Variants in TMEM131L observed in about 807,000 individuals in gnomAD.
TMEM131L encodes the protein transmembrane protein 131-like.
TMEM131L carries 54 observed loss-of-function variants against 192.2 expected under a neutral mutation model. That is an observed-to-expected ratio of 0.28 (90% confidence interval 0.23 to 0.35). The LOEUF is 0.35. TMEM131L is among the 10% of genes least tolerant of loss of function. TMEM131L has a pLI of 1.00. For synonymous variants in TMEM131L, 701 were observed against 704.9 expected, an observed-to-expected ratio of 0.99 and a Z score of 0.09; for missense variants, 1,888 against 1,972.9, an observed-to-expected ratio of 0.96 and a Z score of 0.82.
intron 3 of TMEM131L, among the ~76,000 whole-genome samples, chr4:153,526,250 G>A (rs1735473789): frequency 6.6e-6 from 1 of 152,132 alleles, no homozygotes; most frequent in African/African-American, 2.4e-5. Flanking sequence ...GTTTGTGTAG[G>A]CCACACTTGG....
At chr4:153,542,390 C>A (rs1290235180) in intron 3 of TMEM131L, among the ~76,000 whole-genome samples, 4 of 128,340 alleles carry the variant, frequency 3.1e-5, no homozygotes, top group Non-Finnish European at 4.8e-5. Context: ...ATGACCTCAG[C>A]AAGGGCCACG....
chr4:153,614,440 T>G (rs1430049155), intron 26 of TMEM131L, among the ~76,000 whole-genome samples: 2 of 152,138 alleles, frequency 1.3e-5, no homozygotes, highest in Non-Finnish European at 2.9e-5. Context: ...AAAGTTGTTT[T>G]GGAGGATTTG....
At position 153,635,414 on chromosome 4, in the gene TMEM131L, T is replaced by A. The variant is rs758296636; in HGVS notation, c.4418-18T>A. 1.2e-6 allele frequency: 2 copies of A among 1,611,736 alleles called. No individual in the cohort carries two copies. Among genetic ancestry groups the A allele is most frequent in the South Asian group, 2.2e-5 (2 of 90,870 alleles). On this transcript the variant is annotated intron_variant, in intron 33 of 34. Transcript: ENST00000409959. ...ATGAAAATGTTTACCTATGATGATA[T>A]TCTCCCATTCTTTGTAGAAAACATG...
chr4:153,634,166 A>C (rs1452292432), intron 32 of TMEM131L, 26 bp from the exon 33 acceptor site: 4 of 1,599,254 alleles, frequency 2.5e-6, no homozygotes, highest in Non-Finnish European at 3.4e-6. Context: ...CCTGTTTCTG[A>C]TTAGACCACT....
At chr4:153,510,510 C>T (rs1227175388) in intron 3 of TMEM131L, among the ~76,000 whole-genome samples, 1 of 152,142 alleles carries the variant, frequency 6.6e-6, no homozygotes, top group Non-Finnish European at 1.5e-5. Flanking sequence ...AATTAAAATA[C>T]TGCTGGGGCT....
At chr4:153,511,368 A>G (rs754689177) in intron 3 of TMEM131L, among the ~76,000 whole-genome samples, 3 of 152,206 alleles carry the variant, frequency 2.0e-5, no homozygotes, top group African/African-American at 4.8e-5. Flanking sequence ...ATCCTTAGCA[A>G]ACTAACAGAA....
At chr4:153,607,671 A>G (rs1410817521) in intron 25 of TMEM131L, among the ~76,000 whole-genome samples, 1 of 152,230 alleles carries the variant, frequency 6.6e-6, no homozygotes, top group Non-Finnish European at 1.5e-5. Flanking sequence ...CCTAACTATC[A>G]GAACTCCTGG....
chr4:153,482,984 T>A (rs1732053048), intron 3 of TMEM131L, among the ~76,000 whole-genome samples: 1 of 152,166 alleles, frequency 6.6e-6, no homozygotes, highest in Admixed American at 6.5e-5. Context: ...TATTGAAAGG[T>A]TATTTGAACC....
chr4:153,617,751 A>T (rs1733092133), intron 26 of TMEM131L, among the ~76,000 whole-genome samples: 1 of 152,172 alleles, frequency 6.6e-6, no homozygotes, highest in African/African-American at 2.4e-5. Flanking sequence ...CATCATAAAC[A>T]CATTTGTGTT....
rs1730738972 is a variant in TMEM131L, at chr4:153,466,378, A to G, written c.-20A>G. ...TAGCGGCGAGCGCGGCGAGCAACGG[A>G]GAGGAGCGCGAGCAGCAGCATGGCG... On this transcript the variant is annotated 5_prime_UTR_variant, in exon 1 of 35. Transcript: ENST00000409959. 3 of 1,283,658 alleles carry G rather than the reference A, an allele frequency of 2.3e-6. No individual in the cohort carries two copies. Among genetic ancestry groups the G allele is most frequent in the Non-Finnish European group, 3.0e-6 (3 of 1,012,176 alleles). 79.5% of individuals were successfully genotyped at this position (1,283,658 alleles called of 1,614,324 possible).
chr4:153,466,655 C>T (rs1407740943), intron 1 of TMEM131L, 134 bp downstream of exon 1: 6 of 864,400 alleles, frequency 6.9e-6, no homozygotes, highest in Non-Finnish European at 9.1e-6. Flanking sequence ...AAAGCTGTTG[C>T]GATTCTCCGC....
intron 3 of TMEM131L, among the ~76,000 whole-genome samples, chr4:153,527,142 G>A (rs935001799): frequency 6.6e-6 from 1 of 152,168 alleles, no homozygotes; most frequent in African/African-American, 2.4e-5. Context: ...GTCCATTGAT[G>A]TTTTAGGATT....
intron 5 of TMEM131L, among the ~76,000 whole-genome samples, chr4:153,556,611 A>G (rs898304388): frequency 3.9e-5 from 6 of 152,228 alleles, no homozygotes; most frequent in Non-Finnish European, 8.8e-5. Context: ...TTTTTATTAC[A>G]TATCAACATG....
rs1346050584 is a variant in TMEM131L at position 153,491,197 on chromosome 4, G to GTTA, written c.239+17309_239+17310insTTA. On this transcript the variant is annotated intron_variant, in intron 3 of 34. Transcript: ENST00000409959. ...CTTTTTATTTCCACTTTTGAATTGG[G>GTTA]GATAAAAGGGGAAACTGGTGAAGGA... 1.4e-4 allele frequency among the ~76,000 whole-genome samples: 21 copies of GTTA among 152,204 alleles called. No homozygotes were observed. The East Asian group carries it at 1.5e-3, about 11-fold the overall frequency.
chr4:153,503,417 A>C (rs1331654784), intron 3 of TMEM131L, among the ~76,000 whole-genome samples: 2 of 152,212 alleles, frequency 1.3e-5, no homozygotes, highest in Non-Finnish European at 2.9e-5. Context: ...CAGCTTTTTA[A>C]AATAAGGCAA....
chr4:153,623,208 C>A, intron 29 of TMEM131L, 125 bp downstream of exon 29: 1 of 835,862 alleles, frequency 1.2e-6, no homozygotes, highest in Non-Finnish European at 1.7e-6. Flanking sequence ...GTGGCCTTGA[C>A]CTTTGCTTTG....
chr4:153,536,235 T>C (rs961387651), intron 3 of TMEM131L, among the ~76,000 whole-genome samples: 1 of 152,172 alleles, frequency 6.6e-6, no homozygotes, highest in Non-Finnish European at 1.5e-5. Flanking sequence ...AGTGAGGGCC[T>C]GTGGAGAGGG....
intron 14 of TMEM131L, 32 bp downstream of exon 14, chr4:153,586,411 GT>G: frequency 6.7e-7 from 1 of 1,492,460 alleles, no homozygotes; most frequent in East Asian, 2.5e-5. Flanking sequence ...GTGTGTTACA[GT>G]TTTCTTAATT....
chr4:153,625,179 A>T (rs1253509041), intron 29 of TMEM131L, among the ~76,000 whole-genome samples: 1 of 152,138 alleles, frequency 6.6e-6, no homozygotes, highest in Non-Finnish European at 1.5e-5. Context: ...TGGGAGGCCG[A>T]AGCAGACAGA....
Sources: gnomAD v4.1 joint callset for allele counts (sites outside exome capture counted in the v4.1 genomes callset) on GRCh38, gnomAD v4.1.1 for gene constraint, MANE v1.5 for transcripts, NCBI Gene and HGNC (gene_info 2026-07-23, HGNC 2026-07-21) for gene names.